Variants in SYT14 observed in about 807,000 individuals in gnomAD.
The protein encoded by SYT14 is synaptotagmin-14.
Under a neutral mutation model 74.2 loss-of-function variants are expected in SYT14, and 32 were observed. The ratio of observed to expected loss-of-function variants is 0.43; its 90% CI spans 0.33 to 0.58. The LOEUF (loss-of-function observed/expected upper bound fraction) is 0.58. Among genes scored for constraint, SYT14 ranks in the 20% least tolerant of loss-of-function variants. SYT14 has a pLI of 0.05. For missense variants in SYT14, 791 were observed against 981.8 expected (o/e 0.81, Z 2.60); for synonymous variants, 298 against 337.7 (o/e 0.88, Z 1.29).
intron 2 of SYT14, among the ~76,000 whole-genome samples, chr1:209,994,312 G>A (rs1345462004): frequency 1.3e-5 from 2 of 152,100 alleles, no homozygotes; most frequent in African/African-American, 2.4e-5. Flanking sequence ...TGAACTTCTA[G>A]ACCTGAAGAA....
intron 9 of SYT14, 133 bp from the exon 9 acceptor site, chr1:210,160,596 G>A: frequency 1.3e-6 from 1 of 778,272 alleles, no homozygotes; most frequent in Non-Finnish European, 2.0e-6. Context: ...AATGGAATTG[G>A]TCGAATGTCC....
intron 8 of SYT14, 47 bp downstream of exon 7, chr1:210,155,957 G>C (rs761767932): frequency 2.6e-6 from 4 of 1,562,646 alleles, no homozygotes; most frequent in Non-Finnish European, 2.6e-6. Context: ...CTGCACTTTT[G>C]GGACTCTCAG....
intron 2 of SYT14, among the ~76,000 whole-genome samples, chr1:209,954,749 A>G (rs1388745420): frequency 6.7e-6 from 1 of 148,312 alleles, no homozygotes; most frequent in African/African-American, 2.5e-5. Flanking sequence ...ACTGTCTCCC[A>G]GGCTGGAATG....
At chr1:210,020,066 T>C (rs575305117) in intron 4 of SYT14, among the ~76,000 whole-genome samples, 2 of 152,334 alleles carry the variant, frequency 1.3e-5, no homozygotes, top group Admixed American at 1.3e-4. Flanking sequence ...TGCATACCTA[T>C]GTATGCATTA....
At chr1:210,016,530 C>T in exon 4 of SYT14, 1 of 1,231,866 alleles carries the variant, frequency 8.1e-7, no homozygotes, top group Non-Finnish European at 1.0e-6. Context: ...AGATGTAAAA[C>T]AATTGGAGTA....
intron 2 of SYT14, among the ~76,000 whole-genome samples, chr1:209,989,243 A>G (rs988810148): frequency 2.6e-5 from 4 of 152,264 alleles, no homozygotes; most frequent in African/African-American, 9.6e-5. Flanking sequence ...CATTTTTGGT[A>G]TTTAAATAGA....
exon 10 of SYT14, chr1:210,161,957 C>T (rs1342020467): frequency 4.4e-6 from 2 of 453,528 alleles, no homozygotes; most frequent in Admixed American, 2.4e-5. Flanking sequence ...GATAAGCTGT[C>T]GAAAATGGAA....
intron 2 of SYT14, chr1:209,953,201 G>A: frequency 7.8e-7 from 1 of 1,287,576 alleles, no homozygotes; most frequent in Non-Finnish European, 1.0e-6. Context: ...AACTGTCTAT[G>A]CTTCCTTAGA....
In SYT14 at chr1:210,099,163, A is replaced by G. The variant is rs151226814; in HGVS notation, c.1585-849A>G. On this transcript the variant is annotated intron_variant, in intron 6 of 9. Transcript: ENST00000637265. ...AAAATACTTGAAGAGGCAAAGTGGT[A>G]TAGTTGAAAGGTCAGAGACGTAGGT... Among the ~76,000 whole-genome samples the G allele has an allele frequency of 8.8e-4, 134 of 152,314 alleles. No individual in the cohort carries two copies. The Middle Eastern group carries it at 0.01, about 12-fold the overall frequency.
At chr1:210,161,968 A>G in exon 10 of SYT14, 1 of 453,820 alleles carries the variant, frequency 2.2e-6, no homozygotes, top group Non-Finnish European at 4.4e-6. Flanking sequence ...GAAAATGGAA[A>G]ACAATTCAAT....
intron 5 of SYT14, among the ~76,000 whole-genome samples, chr1:210,041,212 T>G (rs1031079339): frequency 6.6e-6 from 1 of 152,154 alleles, no homozygotes; most frequent in Admixed American, 6.5e-5. Flanking sequence ...CTGGTGAGTT[T>G]AACAGCAGTC....
chr1:209,967,843 T>C (rs1475026668), intron 2 of SYT14, among the ~76,000 whole-genome samples: 2 of 152,182 alleles, frequency 1.3e-5, no homozygotes, highest in Non-Finnish European at 2.9e-5. Flanking sequence ...TCTCTTCTGC[T>C]AACTTAGGGT....
At chr1:210,082,646 T>A (rs2081638276) in intron 5 of SYT14, among the ~76,000 whole-genome samples, 1 of 152,222 alleles carries the variant, frequency 6.6e-6, no homozygotes, top group Admixed American at 6.5e-5. Flanking sequence ...AAAGATGGTT[T>A]GCAGCTGGAC....
chr1:210,091,228 G>A lies in SYT14; in HGVS notation c.1313-3094G>A, dbSNP rs565822590. Among the ~76,000 whole-genome samples the A allele has an allele frequency of 3.3e-5, 5 of 152,144 alleles. No individual in the cohort carries two copies. The East Asian group carries it at 5.8e-4, about 18-fold the overall frequency. On this transcript the variant is annotated intron_variant, in intron 5 of 9. Transcript: ENST00000637265. ...TCAGCTGTGAAAATACACTTAGTTG[G>A]CCCACAGCTAGGCAAGGACCTAATA...
chr1:209,978,891 A>G (rs2079423569), intron 2 of SYT14, among the ~76,000 whole-genome samples: 1 of 152,170 alleles, frequency 6.6e-6, no homozygotes, highest in Non-Finnish European at 1.5e-5. Context: ...TACCTACTCA[A>G]GCCTGGGCAG....
Position 209,947,867 on chromosome 1 carries a change from C to T in SYT14, c.-533-4842C>T, listed in dbSNP as rs1358128784. Among the ~76,000 whole-genome samples, 3 of 152,316 alleles carry T rather than the reference C, an allele frequency of 2.0e-5. 1 individual carries two copies. Among genetic ancestry groups the T allele is most frequent in the South Asian group, 4.1e-4 (2 of 4,820 alleles). The stretch of plus-strand genomic sequence containing the variant: ...AAGAAATTGCCACAGCCACCCCAAC[C>T]TTCATCATCCATTATCCTAATGGGT... On this transcript the variant is annotated intron_variant, in intron 1 of 9. Transcript: ENST00000637265.
At chr1:210,057,689 A>G (rs1225640571) in intron 5 of SYT14, among the ~76,000 whole-genome samples, 1 of 152,186 alleles carries the variant, frequency 6.6e-6, no homozygotes, top group African/African-American at 2.4e-5. Context: ...AATGATTTAT[A>G]TATTTGGACT....
chr1:210,046,338 C>T (rs1463921627), intron 5 of SYT14, among the ~76,000 whole-genome samples: 3 of 152,170 alleles, frequency 2.0e-5, no homozygotes, highest in Non-Finnish European at 4.4e-5. Context: ...CACACCACTG[C>T]ACTTCAACCT....
chr1:210,023,861 G>A (rs1440724256), intron 5 of SYT14, among the ~76,000 whole-genome samples: 1 of 152,152 alleles, frequency 6.6e-6, no homozygotes, highest in African/African-American at 2.4e-5. Context: ...TTGAAGAAGG[G>A]GATTGCCTTG....
Sources: allele counts gnomAD v4.1 joint callset (sites outside exome capture counted in the v4.1 genomes callset), GRCh38; gene constraint gnomAD v4.1.1; transcripts MANE v1.5; gene names NCBI Gene and HGNC (gene_info 2026-07-23, HGNC 2026-07-21).